The following KCNMB2 variants were observed in gnomAD, a reference collection of about 807,000 sequenced individuals.
KCNMB2 encodes potassium calcium-activated channel subfamily M regulatory beta subunit 2.
KCNMB2 carries 9 observed loss-of-function variants against 24.5 expected under a neutral mutation model. The observed-to-expected ratio is 0.37, with a 90% CI of 0.22 to 0.64. The LOEUF (loss-of-function observed/expected upper bound fraction) is 0.64. KCNMB2 is among the 30% of genes least tolerant of loss of function. The pLI is 0.63. For missense variants in KCNMB2, 226 were observed against 284.3 expected (o/e 0.79, Z 1.47); for synonymous variants, 109 against 104.4 (o/e 1.04, Z -0.27).
chr3:178,749,604 G>A (rs1723776665), intron 1 of KCNMB2, among the ~76,000 whole-genome samples: 2 of 152,180 alleles, frequency 1.3e-5, no homozygotes, highest in Admixed American at 1.3e-4. Flanking sequence ...TCTGTGGAGG[G>A]CAAGGAAGCT....
intron 2 of KCNMB2, among the ~76,000 whole-genome samples, chr3:178,814,188 T>G (rs1416411675): frequency 6.6e-6 from 1 of 152,186 alleles, no homozygotes; most frequent in Non-Finnish European, 1.5e-5. Context: ...GTCTATTGTT[T>G]CCAGTTTTAT....
intron 1 of KCNMB2, among the ~76,000 whole-genome samples, chr3:178,643,987 A>T (rs1230604340): frequency 1.3e-5 from 2 of 152,312 alleles, no homozygotes; most frequent in East Asian, 1.9e-4. Context: ...TAGATATCCA[A>T]TCAACAGCCT....
At chr3:178,765,682 T>C (rs1712088586) in intron 1 of KCNMB2, among the ~76,000 whole-genome samples, 2 of 99,132 alleles carry the variant, frequency 2.0e-5, no homozygotes, top group African/African-American at 1.1e-4. Flanking sequence ...TCCACACATG[T>C]GTGCACTGGA....
intron 1 of KCNMB2, among the ~76,000 whole-genome samples, chr3:178,724,757 C>A (rs1026543378): frequency 1.3e-5 from 2 of 151,870 alleles, no homozygotes; most frequent in African/African-American, 4.8e-5. Context: ...TATTGAATAG[C>A]GTACCTTTTC....
At chr3:178,739,103 A>G (rs1042404017) in intron 1 of KCNMB2, among the ~76,000 whole-genome samples, 4 of 55,724 alleles carry the variant, frequency 7.2e-5, no homozygotes, top group African/African-American at 2.9e-4. Flanking sequence ...TAAATAACAG[A>G]AAAAAAAAAA....
chr3:178,725,215 A>G lies in KCNMB2; in HGVS notation c.-67-82128A>G, dbSNP rs554064072. Among the ~76,000 whole-genome samples the G allele has an allele frequency of 5.9e-5, 9 of 152,098 alleles. No homozygotes were observed. In the South Asian group the frequency reaches 1.9e-3, roughly 32 times the overall value. On this transcript the variant is annotated intron_variant, in intron 1 of 4. Coordinates refer to ENST00000452583, the MANE Select transcript of KCNMB2 (RefSeq NM_181361.3). Reference sequence around the variant, plus strand: ...TAGGCAATGTTTTATAGTTCTCCTCATAGAAATCTTCCATCTCTTTGGTTA... The same window carrying G: ...TAGGCAATGTTTTATAGTTCTCCTCGTAGAAATCTTCCATCTCTTTGGTTA...
rs914552976 is a variant in KCNMB2, at chr3:178,584,612, G to A, written c.-68+47901G>A. Among the ~76,000 whole-genome samples the A allele has an allele frequency of 4.6e-5, 7 of 151,906 alleles. No homozygotes were observed. In the East Asian group the frequency reaches 1.3e-3, roughly 29 times the overall value. Reference sequence around the variant, plus strand: ...CTCTCAGACTGAGAGCACTGTTAGTGACCCAAGTAAATTTATAGTTTTTAA... The same window carrying A: ...CTCTCAGACTGAGAGCACTGTTAGTAACCCAAGTAAATTTATAGTTTTTAA... On this transcript the variant is annotated intron_variant, in intron 1 of 4. Coordinates refer to ENST00000452583, the MANE Select transcript of KCNMB2 (RefSeq NM_181361.3).
intron 1 of KCNMB2, among the ~76,000 whole-genome samples, chr3:178,787,669 T>A (rs1384644160): frequency 6.6e-6 from 1 of 152,116 alleles, no homozygotes; most frequent in Non-Finnish European, 1.5e-5. Flanking sequence ...TCATTTTCCC[T>A]CTCTCTCTAA....
chr3:178,697,201 G>A (rs1043884005), intron 1 of KCNMB2, among the ~76,000 whole-genome samples: 7 of 152,130 alleles, frequency 4.6e-5, no homozygotes, highest in Non-Finnish European at 8.8e-5. Flanking sequence ...TTTTCAATGG[G>A]ATGTTAAAGT....
At chr3:178,634,102 A>G (rs1173758890) in intron 1 of KCNMB2, among the ~76,000 whole-genome samples, 1 of 152,098 alleles carries the variant, frequency 6.6e-6, no homozygotes, top group Non-Finnish European at 1.5e-5. Flanking sequence ...AAAATTTCAA[A>G]CTTTCCCATG....
chr3:178,754,161 T>TATAGATAG (rs1560002928), intron 1 of KCNMB2, among the ~76,000 whole-genome samples: 1 of 77,732 alleles, frequency 1.3e-5, no homozygotes, highest in Admixed American at 1.2e-4. Context: ...TATATATATA[T>TATAGATAG]ATATATATAT....
At chr3:178,732,355 G>C (rs1034977031) in intron 1 of KCNMB2, among the ~76,000 whole-genome samples, 5 of 152,106 alleles carry the variant, frequency 3.3e-5, no homozygotes, top group African/African-American at 9.7e-5. Context: ...AACACTTGAA[G>C]AACTTTCACA....
intron 1 of KCNMB2, among the ~76,000 whole-genome samples, chr3:178,800,982 G>A (rs1462980917): frequency 1.3e-5 from 2 of 152,078 alleles, no homozygotes; most frequent in Non-Finnish European, 2.9e-5. Context: ...TAAAACAATT[G>A]AACTCATGGA....
intron 1 of KCNMB2, among the ~76,000 whole-genome samples, chr3:178,698,138 G>A (rs1721948890): frequency 6.6e-6 from 1 of 152,074 alleles, no homozygotes. Flanking sequence ...TTTGAATGTT[G>A]GCTTGTCTAG....
chr3:178,655,877 T>C (rs10513758), intron 1 of KCNMB2, among the ~76,000 whole-genome samples: 36,118 of 152,148 alleles, frequency 0.24, 4,519 homozygotes, highest in Middle Eastern at 0.46. Flanking sequence ...CATCAGAATT[T>C]ACTTTTATCA....
chr3:178,753,600 T>G (rs1023661893), intron 1 of KCNMB2, among the ~76,000 whole-genome samples: 1 of 152,184 alleles, frequency 6.6e-6, no homozygotes, highest in African/African-American at 2.4e-5. Flanking sequence ...GAGTTTCTCT[T>G]ATGAAGGAGC....
chr3:178,652,350 G>A (rs751522193), intron 1 of KCNMB2, among the ~76,000 whole-genome samples: 1 of 152,048 alleles, frequency 6.6e-6, no homozygotes, highest in Non-Finnish European at 1.5e-5. Flanking sequence ...ATAGCATTAG[G>A]AGAAATACCT....
At chr3:178,587,013 CT>C (rs1376345934) in intron 1 of KCNMB2, among the ~76,000 whole-genome samples, 3 of 152,118 alleles carry the variant, frequency 2.0e-5, no homozygotes. Context: ...AAGGAATATA[CT>C]TTTATTTTTC....
chr3:178,667,275 C>G (rs1310789154), intron 1 of KCNMB2, among the ~76,000 whole-genome samples: 1 of 151,922 alleles, frequency 6.6e-6, no homozygotes. Context: ...TGAATGTGTC[C>G]CCTCCAAAGT....
Sources: allele counts gnomAD v4.1 joint callset (sites outside exome capture counted in the v4.1 genomes callset), GRCh38; gene constraint gnomAD v4.1.1; transcripts MANE v1.5; gene names NCBI Gene and HGNC (gene_info 2026-07-23, HGNC 2026-07-21).